HDAC2: variants seen among roughly 807,000 people sequenced by gnomAD.
HDAC2 encodes the protein YY1-associated factor 1.
A neutral mutation model predicts 68.5 loss-of-function variants in HDAC2; 5 were observed. That is an observed-to-expected ratio of 0.07 (90% CI 0.04 to 0.15). The LOEUF (loss-of-function observed/expected upper bound fraction) is 0.15. Among genes scored for constraint, HDAC2 ranks in the 10% least tolerant of loss-of-function variants. HDAC2 has a pLI of 1.00. For synonymous variants in HDAC2, 182 were observed against 191.3 expected (o/e 0.95, Z 0.40); for missense variants, 291 against 600.8 (o/e 0.48, Z 5.39).
intron 12 of HDAC2, among the ~76,000 whole-genome samples, chr6:113,942,247 T>C (rs966652699): frequency 2.6e-4 from 39 of 152,118 alleles, no homozygotes; most frequent in Admixed American, 8.5e-4. Context: ...TAAGTCGTCC[T>C]TAATTCAGTC....
chr6:113,954,505 C>T (rs1391372201), intron 5 of HDAC2, among the ~76,000 whole-genome samples: 1 of 152,088 alleles, frequency 6.6e-6, no homozygotes, highest in Non-Finnish European at 1.5e-5. Context: ...TTTGATTACA[C>T]CACCCAAAAA....
chr6:113,957,987 G>T (rs1776596819), intron 3 of HDAC2, among the ~76,000 whole-genome samples: 1 of 152,070 alleles, frequency 6.6e-6, no homozygotes, highest in East Asian at 1.9e-4. Context: ...ATGTGTATGA[G>T]GTTGTAAATA....
chr6:113,949,357 T>A, intron 6 of HDAC2, 97 bp from the exon 7 acceptor site: 1 of 720,674 alleles, frequency 1.4e-6, no homozygotes, highest in Non-Finnish European at 2.4e-6. Flanking sequence ...GACTAAGTAT[T>A]AAGGATCCAA....
chr6:113,944,229 C>T, intron 11 of HDAC2, 51 bp downstream of exon 11: 1 of 1,487,432 alleles, frequency 6.7e-7, no homozygotes, highest in Non-Finnish European at 9.4e-7. Context: ...CTAAAACCTT[C>T]CATTTCAATT....
At chr6:113,954,886 C>T (rs1269763279) in intron 5 of HDAC2, among the ~76,000 whole-genome samples, 1 of 152,154 alleles carries the variant, frequency 6.6e-6, no homozygotes, top group Non-Finnish European at 1.5e-5. Context: ...TCCTAAGTAC[C>T]TCTATAGATC....
At chr6:113,949,662 G>C (rs1222113668) in intron 6 of HDAC2, among the ~76,000 whole-genome samples, 1 of 152,200 alleles carries the variant, frequency 6.6e-6, no homozygotes, top group Non-Finnish European at 1.5e-5. Context: ...AGCCCTGCCG[G>C]ACAATCATCT....
Position 113,970,861 on chromosome 6 carries a change from G to A in HDAC2, c.48C>T (p.Tyr16=). The A allele has an allele frequency of 6.5e-7, 1 of 1,541,872 alleles. No individual in the cohort carries two copies. Among genetic ancestry groups the A allele is most frequent in the African/African-American group, 1.4e-5 (1 of 73,068 alleles). Residue 16 remains tyrosine, a synonymous_variant, in exon 1 of 14, where the codon TAC becomes TAT. Transcript: ENST00000519065. ...GACACCGGCCCGGCCGCTCACCGTCGTAGTAGTAGCAGACTTTTTTTTTGC... is the reference window on the plus strand; with the variant it reads ...GACACCGGCCCGGCCGCTCACCGTCATAGTAGTAGCAGACTTTTTTTTTGC... The part of the protein sequence containing the change: ...GGGKKKVCYY[Y]DGDIGNYYYG...
At position 113,939,736 on chromosome 6, in the gene HDAC2, C is replaced by T. The variant is rs968194178; in HGVS notation, c.*1322G>A. On this transcript the variant is annotated 3_prime_UTR_variant, in exon 14 of 14. Transcript: ENST00000519065. ...AAGTACACAAAGAGAGCTTCAATTTCGGTGTATTTTAAGAAAAAAACACCG... is the reference window on the plus strand; with the variant it reads ...AAGTACACAAAGAGAGCTTCAATTTTGGTGTATTTTAAGAAAAAAACACCG... The T allele has an allele frequency of 3.3e-5, 5 of 151,976 alleles. No homozygotes were observed. The highest frequency in any genetic ancestry group is 7.3e-5 in the African/African-American group (3 of 41,368). The allele number at this position is 151,976 out of a possible 1,614,324, so 9.4% of individuals were successfully genotyped here.
In HDAC2 at chr6:113,971,070, G is replaced by A. The variant is rs1325706322; in HGVS notation, c.-162C>T. 1 of 1,554,874 alleles carries A rather than the reference G, an allele frequency of 6.4e-7. No individual in the cohort carries two copies. Among genetic ancestry groups the A allele is most frequent in the Non-Finnish European group, 8.7e-7 (1 of 1,148,516 alleles). ...GGTGGGAGGAGAGGAGGGGGCGCCG[G>A]GAAGGCTCGGTACCACCCGGCAGAG... On this transcript the variant is annotated 5_prime_UTR_variant, in exon 1 of 14. Coordinates refer to ENST00000519065, the MANE Select transcript of HDAC2 (RefSeq NM_001527.4).
In HDAC2 at chr6:113,933,603, G is replaced by A. The variant is rs1775937132; in HGVS notation, c.*7455C>T. 9.2e-6 allele frequency: 1 copy of A among 108,244 alleles called. No homozygotes were observed. Among genetic ancestry groups the A allele is most frequent in the Non-Finnish European group, 2.2e-5 (1 of 46,132 alleles). 6.7% of individuals were successfully genotyped at this position (108,244 alleles called of 1,614,324 possible). A position where few individuals can be genotyped will look rare whatever the true frequency, so the allele number is the denominator to read the frequency against. On this transcript the variant is annotated 3_prime_UTR_variant, in exon 14 of 14. Coordinates refer to ENST00000519065, the MANE Select transcript of HDAC2 (RefSeq NM_001527.4). ...CCATTCCATTCCACAAATAATAATT[G>A]AGGCTTTATTTATGTGTTAGGCACT...
intron 1 of HDAC2, among the ~76,000 whole-genome samples, chr6:113,964,870 T>C (rs1352097973): frequency 6.6e-6 from 1 of 152,226 alleles, no homozygotes; most frequent in Non-Finnish European, 1.5e-5. Context: ...ATCCAGAAAC[T>C]TAGGAGTCAT....
At chr6:113,956,573 C>T in intron 4 of HDAC2, 46 bp downstream of exon 4, 2 of 1,286,934 alleles carry the variant, frequency 1.6e-6, no homozygotes, top group African/African-American at 1.5e-5. Flanking sequence ...AAAGATAACA[C>T]ACCAAGTTCA....
chr6:113,944,424 G>A lies in HDAC2; in HGVS notation c.1092-14C>T, dbSNP rs772318119. On this transcript the variant is annotated splice_polypyrimidine_tract_variant and intron_variant, in intron 10 of 13. Transcript: ENST00000519065. Reference sequence around the variant, plus strand: ...AACAAACGCTGTCTAAATTACACATGCAAAGTTTATTAGACAAAATTAAAT... The same window carrying A: ...AACAAACGCTGTCTAAATTACACATACAAAGTTTATTAGACAAAATTAAAT... 7 of 1,604,200 alleles carry A rather than the reference G, an allele frequency of 4.4e-6. No individual in the cohort carries two copies. The East Asian group carries it at 1.1e-4, about 26-fold the overall frequency.
intron 9 of HDAC2, 42 bp from the exon 10 acceptor site, chr6:113,945,512 G>A: frequency 1.1e-6 from 1 of 951,758 alleles, no homozygotes. Flanking sequence ...TACAAGCTCA[G>A]TTTTCACAAA....
At chr6:113,946,215 A>G (rs906015701) in intron 8 of HDAC2, 67 bp from the exon 9 acceptor site, 1 of 1,336,794 alleles carries the variant, frequency 7.5e-7, no homozygotes, top group African/African-American at 1.5e-5. Flanking sequence ...ATAAATTTTA[A>G]AAAGATAATA....
At chr6:113,953,744 C>T (rs758837909) in intron 5 of HDAC2, among the ~76,000 whole-genome samples, 4 of 152,208 alleles carry the variant, frequency 2.6e-5, no homozygotes, top group South Asian at 2.1e-4. Flanking sequence ...AATTAAAACA[C>T]CTCTGTAGTA....
At position 113,933,724 on chromosome 6, in the gene HDAC2, G is replaced by A. The variant is rs1042534068; in HGVS notation, c.*7334C>T. On this transcript the variant is annotated 3_prime_UTR_variant, in exon 14 of 14. Transcript: ENST00000519065. ...TAATCCAGTGAAAGTAAGCAGAATG[G>A]TGGCTGCTCCTTGTCTGACATTCTT... is the stretch of plus-strand genomic sequence containing the variant. 2 of 151,846 alleles carry A rather than the reference G, an allele frequency of 1.3e-5. No individual in the cohort carries two copies. The highest frequency in any genetic ancestry group is 4.8e-5 in the African/African-American group (2 of 41,312). 9.4% of individuals were successfully genotyped at this position (151,846 alleles called of 1,614,324 possible). A position where few individuals can be genotyped will look rare whatever the true frequency, so the allele number is the denominator to read the frequency against.
At position 113,958,701 on chromosome 6, in the gene HDAC2, T is replaced by C. The variant is rs149797556; in HGVS notation, c.231A>G (p.Leu77=). Residue 77 remains leucine, a synonymous_variant, in exon 3 of 14, where the codon CTA becomes CTG. Coordinates refer to ENST00000519065, the MANE Select transcript of HDAC2 (RefSeq NM_001527.4). ...ACATGTTATCTGGTCTTATTGACCGTAGAAATTTGATATACTCATCACTGT... is the reference window on the plus strand; with the variant it reads ...ACATGTTATCTGGTCTTATTGACCGCAGAAATTTGATATACTCATCACTGT... ...KYHSDEYIKF[L]RSIRPDNMSE... 11 of 1,609,476 alleles carry C rather than the reference T, an allele frequency of 6.8e-6. No homozygotes were observed. The highest frequency in any genetic ancestry group is 2.2e-5 in the East Asian group (1 of 44,766).
At chr6:113,944,200 T>A (rs557445821) in intron 11 of HDAC2, 80 bp downstream of exon 11, 5 of 1,184,858 alleles carry the variant, frequency 4.2e-6, no homozygotes, top group Middle Eastern at 1.9e-4. Context: ...CATGACTTTA[T>A]AGTGAAGTTC....
Sources: gnomAD v4.1 joint callset for allele counts (sites outside exome capture counted in the v4.1 genomes callset) on GRCh38, gnomAD v4.1.1 for gene constraint, MANE v1.5 for transcripts, NCBI Gene and HGNC (gene_info 2026-07-23, HGNC 2026-07-21) for gene names.